GASK1A: variants seen among roughly 807,000 people sequenced by gnomAD.
The protein encoded by GASK1A is golgi associated kinase 1A, also known as Golgi-associated kinase 1A.
A neutral mutation model predicts 41.2 loss-of-function variants in GASK1A; 40 were observed. The observed-to-expected ratio is 0.97, with a 90% CI of 0.75 to 1.27. GASK1A has a LOEUF of 1.27. GASK1A is among the 50% of genes most tolerant of loss of function. The pLI, the probability that GASK1A is intolerant of heterozygous loss-of-function variation, is 0.00. For missense variants in GASK1A, 678 were observed against 745.1 expected (o/e 0.91, Z 1.05); for synonymous variants, 316 against 307.1 (o/e 1.03, Z -0.30).
At chr3:43,048,187 A>G (rs1250676543) in intron 2 of GASK1A, among the ~76,000 whole-genome samples, 1 of 152,222 alleles carries the variant, frequency 6.6e-6, no homozygotes, top group Non-Finnish European at 1.5e-5. Flanking sequence ...AGTTTTAGAC[A>G]TGCACAATAG....
At position 43,037,685 on chromosome 3, in the gene GASK1A, T is replaced by G. The variant is rs566154615; in HGVS notation, c.1290+4132T>G. Among the ~76,000 whole-genome samples, 17 of 152,262 alleles carry G rather than the reference T, an allele frequency of 1.1e-4. No individual in the cohort carries two copies. The South Asian group carries it at 3.1e-3, about 28-fold the overall frequency. Reference sequence around the variant, plus strand: ...AAAAAGAGAAAGAAAATGAAGAGCATTTGACTCCCACTCTTAAAATGAAGT... The same window carrying G: ...AAAAAGAGAAAGAAAATGAAGAGCAGTTGACTCCCACTCTTAAAATGAAGT... On this transcript the variant is annotated intron_variant, in intron 2 of 4. Coordinates refer to ENST00000430121, the MANE Select transcript of GASK1A (RefSeq NM_001129908.3).
chr3:43,004,562 A>G (rs2089425511), intron 1 of GASK1A, among the ~76,000 whole-genome samples: 1 of 152,222 alleles, frequency 6.6e-6, no homozygotes, highest in Non-Finnish European at 1.5e-5. Flanking sequence ...TTTATCAAAA[A>G]TGAGGGTGGA....
chr3:42,993,723 G>A (rs567965768), intron 1 of GASK1A, among the ~76,000 whole-genome samples: 2 of 152,054 alleles, frequency 1.3e-5, no homozygotes, highest in African/African-American at 2.4e-5. Context: ...TCTACTCCAC[G>A]GCCATTAAAA....
At chr3:43,005,414 T>G (rs2089431082) in intron 1 of GASK1A, among the ~76,000 whole-genome samples, 1 of 152,248 alleles carries the variant, frequency 6.6e-6, no homozygotes, top group East Asian at 1.9e-4. Flanking sequence ...AGTAGTGTGA[T>G]GAATCTTGTG....
intron 3 of GASK1A, 50 bp from the exon 4 acceptor site, chr3:43,055,382 C>T (rs906424819): frequency 8.1e-6 from 11 of 1,363,006 alleles, no homozygotes; most frequent in African/African-American, 7.2e-5. Context: ...AGGTGCCAGC[C>T]GTAGCTGCAC....
intron 1 of GASK1A, among the ~76,000 whole-genome samples, chr3:43,016,535 G>A (rs1328950452): frequency 6.8e-6 from 1 of 146,186 alleles, no homozygotes; most frequent in African/African-American, 2.5e-5. Context: ...AGGTCACAGG[G>A]AAGGGCTGTG....
At chr3:43,020,697 T>C (rs1045083531) in intron 1 of GASK1A, among the ~76,000 whole-genome samples, 2 of 152,254 alleles carry the variant, frequency 1.3e-5, no homozygotes, top group Non-Finnish European at 2.9e-5. Context: ...AGGCTGGGCC[T>C]GGTGAGCATG....
intron 1 of GASK1A, among the ~76,000 whole-genome samples, chr3:43,026,090 C>T (rs377296762): frequency 6.6e-6 from 1 of 152,206 alleles, no homozygotes; most frequent in East Asian, 1.9e-4. Flanking sequence ...ACCTGAGGAG[C>T]AGAATCACCA....
intron 1 of GASK1A, among the ~76,000 whole-genome samples, chr3:43,017,271 ATGTGAAGTCACAGGTAGAGGCAG>A (rs1559401551): frequency 7.4e-6 from 1 of 135,556 alleles, no homozygotes; most frequent in Non-Finnish European, 1.6e-5. Flanking sequence ...GGAAGGGGCA[ATGTGAAGTCACAGGTAGAGGCAG>A]TGTGAAGTCA....
chr3:43,035,552 C>T (rs965690469), intron 2 of GASK1A, among the ~76,000 whole-genome samples: 1 of 152,168 alleles, frequency 6.6e-6, no homozygotes, highest in Non-Finnish European at 1.5e-5. Context: ...GTGGTAATTG[C>T]TGTCTCTCTT....
chr3:43,043,130 C>T (rs981302287), intron 2 of GASK1A, among the ~76,000 whole-genome samples: 1 of 152,260 alleles, frequency 6.6e-6, no homozygotes, highest in African/African-American at 2.4e-5. Context: ...TGCTGCAACT[C>T]TCTGACCCCC....
chr3:42,997,892 G>A (rs1301206531), intron 1 of GASK1A, among the ~76,000 whole-genome samples: 1 of 152,196 alleles, frequency 6.6e-6, no homozygotes, highest in Non-Finnish European at 1.5e-5. Context: ...GAGAGGGCAG[G>A]TTCCTGCTGG....
chr3:43,033,926 A>T (rs601384), intron 2 of GASK1A, among the ~76,000 whole-genome samples: 144,639 of 152,304 alleles, frequency 0.95, 68,940 homozygotes, highest in East Asian at 1. Flanking sequence ...CAGCTTCGTG[A>T]CTATATAATA....
intron 2 of GASK1A, among the ~76,000 whole-genome samples, chr3:43,052,529 G>A (rs1158459319): frequency 6.6e-6 from 1 of 152,130 alleles, no homozygotes; most frequent in Non-Finnish European, 1.5e-5. Context: ...CTTCATAAAA[G>A]GAAAATAGAA....
chr3:43,053,535 G>A lies in GASK1A; in HGVS notation c.1305G>A (p.Leu435=). 2.6e-6 allele frequency: 4 copies of A among 1,549,168 alleles called. No homozygotes were observed. The highest frequency in any genetic ancestry group is 3.5e-6 in the Non-Finnish European group (4 of 1,145,152). ...TGTCTCCACAGGTCCACGACCGCTT[G>A]GATCGCTACTGCTGTGGCTTCGAGC... The part of the protein sequence containing the change: ...FDFLLQVHDR[L]DRYCCGFEPE... Residue 435 remains leucine, a synonymous_variant, in exon 3 of 5, where the codon TTG becomes TTA. Coordinates refer to ENST00000430121, the MANE Select transcript of GASK1A (RefSeq NM_001129908.3).
intron 2 of GASK1A, 70 bp from the exon 3 acceptor site, chr3:43,053,451 G>A: frequency 6.9e-7 from 1 of 1,458,804 alleles, no homozygotes; most frequent in African/African-American, 1.4e-5. Context: ...CAGGTCAGGT[G>A]GCCTCCATGC....
intron 1 of GASK1A, among the ~76,000 whole-genome samples, chr3:43,022,018 G>A (rs533821053): frequency 2.6e-5 from 4 of 152,332 alleles, no homozygotes; most frequent in African/African-American, 9.6e-5. Context: ...ACATTGCAGG[G>A]CAGAAAAGAC....
rs1396102519 is a variant in GASK1A at position 43,057,231 on chromosome 3, G to T, written c.*845G>T. ...TGGTCCCATAATCATGAACATTTAAGTAGCTCCAATTTTTCATCAATTACA... is the reference window on the plus strand; with the variant it reads ...TGGTCCCATAATCATGAACATTTAATTAGCTCCAATTTTTCATCAATTACA... On this transcript the variant is annotated 3_prime_UTR_variant, in exon 5 of 5. Transcript: ENST00000430121. 2 of 152,230 alleles carry T rather than the reference G, an allele frequency of 1.3e-5. No homozygotes were observed. Among genetic ancestry groups the T allele is most frequent in the African/African-American group, 4.8e-5 (2 of 41,448 alleles). The allele number at this position is 152,230 out of a possible 1,614,324, so 9.4% of individuals were successfully genotyped here.
intron 1 of GASK1A, among the ~76,000 whole-genome samples, chr3:42,988,297 A>T: frequency 6.6e-6 from 1 of 152,170 alleles, no homozygotes; most frequent in East Asian, 1.9e-4. Context: ...ACTTGTGGGC[A>T]GTTTTTGTTT....
Sources: gnomAD v4.1 joint callset for allele counts (sites outside exome capture counted in the v4.1 genomes callset) on GRCh38, gnomAD v4.1.1 for gene constraint, MANE v1.5 for transcripts, NCBI Gene and HGNC (gene_info 2026-07-23, HGNC 2026-07-21) for gene names.